Variants in TRIM33 observed in about 807,000 individuals in gnomAD.
TRIM33 encodes the protein E3 ubiquitin-protein ligase TRIM33.
In TRIM33, 20 loss-of-function variants were observed where a neutral mutation model predicts 125.4. That is an observed-to-expected ratio of 0.16 (90% CI 0.11 to 0.23). TRIM33 has a LOEUF of 0.23. TRIM33 is among the 10% of genes least tolerant of loss of function. TRIM33 has a pLI of 1.00. For synonymous variants in TRIM33, 564 were observed against 513.9 expected, an observed-to-expected ratio of 1.10 and a Z score of -1.32; for missense variants, 920 against 1,411.4, an observed-to-expected ratio of 0.65 and a Z score of 5.58.
intron 11 of TRIM33, among the ~76,000 whole-genome samples, chr1:114,418,501 G>GT (rs1338519037): frequency 6.6e-6 from 1 of 152,026 alleles, no homozygotes; most frequent in African/African-American, 2.4e-5. Context: ...TTAGTTTATG[G>GT]TTTACATAAT....
Position 114,397,601 on chromosome 1 carries a change from T to TC in TRIM33, c.*46_*47insG, listed in dbSNP as rs781059132. On this transcript the variant is annotated 3_prime_UTR_variant, in exon 20 of 20. Transcript: ENST00000358465. ...CTGGGTTTTTTGTGTTTTTTTTTTT[T>TC]TTTTCGTTTTTTTTTTTTTAAACAA... The TC allele has an allele frequency of 7.1e-6, 8 of 1,132,784 alleles. No homozygotes were observed. In the African/African-American group the frequency reaches 9.8e-5, roughly 14 times the overall value. 70.2% of individuals were successfully genotyped at this position (1,132,784 alleles called of 1,614,324 possible).
rs79520328 is a variant in TRIM33, at chr1:114,489,098, A to C, written c.526+21453T>G. ...GGCATAAAGACAGACATACAGATCA[A>C]TGGAATGAAATTAAGTCCAGGAAAA... On this transcript the variant is annotated intron_variant, in intron 1 of 19. Coordinates refer to ENST00000358465, the MANE Select transcript of TRIM33 (RefSeq NM_015906.4). Among the ~76,000 whole-genome samples, 1,334 of 152,308 alleles carry C rather than the reference A, an allele frequency of 8.8e-3. 15 individuals carry two copies. The highest frequency in any genetic ancestry group is 0.03 in the African/African-American group (1,240 of 41,554).
At chr1:114,442,205 G>A (rs937670232) in intron 4 of TRIM33, among the ~76,000 whole-genome samples, 5 of 152,138 alleles carry the variant, frequency 3.3e-5, no homozygotes, top group Non-Finnish European at 7.4e-5. Flanking sequence ...GTTGAGTGAA[G>A]TTCAATAAAC....
At chr1:114,443,716 C>A (rs1248284035) in intron 4 of TRIM33, among the ~76,000 whole-genome samples, 2 of 151,986 alleles carry the variant, frequency 1.3e-5, no homozygotes, top group Non-Finnish European at 1.5e-5. Context: ...TAACTATACA[C>A]AAAACTGCAA....
intron 11 of TRIM33, among the ~76,000 whole-genome samples, chr1:114,412,309 T>C (rs1206679851): frequency 6.6e-6 from 1 of 152,230 alleles, no homozygotes; most frequent in Non-Finnish European, 1.5e-5. Flanking sequence ...AATATGTGTT[T>C]AAAACTATAC....
intron 10 of TRIM33, among the ~76,000 whole-genome samples, 189 bp downstream of exon 10, chr1:114,424,402 A>G (rs1647412360): frequency 6.6e-6 from 1 of 152,172 alleles, no homozygotes; most frequent in Middle Eastern, 3.2e-3. Flanking sequence ...CACTTAAAGC[A>G]TTTTTTAAAA....
At chr1:114,429,345 G>A (rs1449666346) in intron 6 of TRIM33, among the ~76,000 whole-genome samples, 3 of 151,372 alleles carry the variant, frequency 2.0e-5, no homozygotes, top group East Asian at 1.9e-4. Context: ...ACACCACCAC[G>A]CCTGGCTAAT....
At position 114,425,433 on chromosome 1, in the gene TRIM33, G is replaced by C. The variant is rs1283529438; in HGVS notation, c.1695+16C>G. ...CTTCATAATTTCTATCAATAATGTA[G>C]TAACACGATACTTACCTGTTGTTGT... is the stretch of plus-strand genomic sequence containing the variant. On this transcript the variant is annotated intron_variant, in intron 9 of 19. Transcript: ENST00000358465. 1 of 1,611,826 alleles carries C rather than the reference G, an allele frequency of 6.2e-7. No homozygotes were observed. The highest frequency in any genetic ancestry group is 1.3e-5 in the African/African-American group (1 of 74,970).
chr1:114,417,220 C>T (rs1215940755), intron 11 of TRIM33, among the ~76,000 whole-genome samples: 1 of 152,046 alleles, frequency 6.6e-6, no homozygotes, highest in African/African-American at 2.4e-5. Context: ...TGAGTGACTG[C>T]TAATGAGTAC....
chr1:114,477,106 G>A (rs1049906087), intron 1 of TRIM33, among the ~76,000 whole-genome samples: 1 of 152,076 alleles, frequency 6.6e-6, no homozygotes, highest in African/African-American at 2.4e-5. Context: ...AGAATATTAT[G>A]ATCAGTAAGG....
intron 1 of TRIM33, among the ~76,000 whole-genome samples, chr1:114,481,585 T>C (rs954055492): frequency 6.7e-6 from 1 of 148,700 alleles, no homozygotes; most frequent in African/African-American, 2.5e-5. Context: ...AGTGAGACAC[T>C]GTCCGAAAAA....
At chr1:114,433,888 G>C (rs1052878893) in intron 4 of TRIM33, among the ~76,000 whole-genome samples, 155 bp from the exon 5 acceptor site, 2 of 152,016 alleles carry the variant, frequency 1.3e-5, no homozygotes, top group Non-Finnish European at 2.9e-5. Context: ...ACTTTTAACT[G>C]GCAATCACCC....
At chr1:114,427,324 C>A in intron 7 of TRIM33, 30 bp from the exon 8 acceptor site, 1 of 1,139,578 alleles carries the variant, frequency 8.8e-7, no homozygotes. Context: ...ACATTAGTCT[C>A]AAAATTAAAT....
chr1:114,498,106 G>A (rs868846118), intron 1 of TRIM33, among the ~76,000 whole-genome samples: 20 of 124,124 alleles, frequency 1.6e-4, no homozygotes, highest in Admixed American at 4.7e-4. Flanking sequence ...CAGCCTGGGC[G>A]ACAGACTGAG....
rs1251630629 is a variant in TRIM33, at chr1:114,425,441, ATACT to A, written c.1695+4_1695+7del. 1 of 1,613,348 alleles carries A rather than the reference ATACT, an allele frequency of 6.2e-7. No homozygotes were observed. Among genetic ancestry groups the A allele is most frequent in the Non-Finnish European group, 8.5e-7 (1 of 1,179,616 alleles). On this transcript the variant is annotated splice_donor_5th_base_variant and intron_variant, in intron 9 of 19. Coordinates refer to ENST00000358465, the MANE Select transcript of TRIM33 (RefSeq NM_015906.4). ...TTTCTATCAATAATGTAGTAACACG[ATACT>A]TACCTGTTGTTGTAACATCTGAGGG...
At chr1:114,456,233 G>A (rs1444452404) in intron 4 of TRIM33, among the ~76,000 whole-genome samples, 1 of 152,212 alleles carries the variant, frequency 6.6e-6, no homozygotes, top group Non-Finnish European at 1.5e-5. Flanking sequence ...ATGTTGATGA[G>A]AAATGCTAAT....
intron 15 of TRIM33, among the ~76,000 whole-genome samples, chr1:114,403,969 C>T (rs1400026722): frequency 6.6e-6 from 1 of 151,776 alleles, no homozygotes; most frequent in Admixed American, 6.6e-5. Flanking sequence ...CGGCTACCTC[C>T]TATCTTTTAA....
rs571577278 is a variant in TRIM33 at position 114,412,357 on chromosome 1, T to C, written c.2062-2041A>G. ...TCAATGCAGCTTTTTACAAATGACATTAAGGTATAAATGATGTACAATAAA... is the reference window on the plus strand; with the variant it reads ...TCAATGCAGCTTTTTACAAATGACACTAAGGTATAAATGATGTACAATAAA... On this transcript the variant is annotated intron_variant, in intron 11 of 19. Transcript: ENST00000358465. 6.6e-5 allele frequency among the ~76,000 whole-genome samples: 10 copies of C among 152,354 alleles called. No homozygotes were observed. The South Asian group carries it at 2.1e-3, about 32-fold the overall frequency.
rs1195129703 is a variant in TRIM33, at chr1:114,406,825, T to A, written c.2418+116A>T. The A allele has an allele frequency of 9.6e-6, 10 of 1,040,684 alleles. No individual in the cohort carries two copies. The East Asian group carries it at 1.0e-4, about 10-fold the overall frequency. The allele number at this position is 1,040,684 out of a possible 1,614,324, so 64.5% of individuals were successfully genotyped here. On this transcript the variant is annotated intron_variant, in intron 14 of 19. Transcript: ENST00000358465. ...AGAGATATCTGGCTTGTGCCAGGCA[T>A]GAAATTTCAAAAATAAATGTTTCTA...
Sources: allele counts gnomAD v4.1 joint callset (sites outside exome capture counted in the v4.1 genomes callset), GRCh38; gene constraint gnomAD v4.1.1; transcripts MANE v1.5; gene names NCBI Gene and HGNC (gene_info 2026-07-23, HGNC 2026-07-21).